The following BRD10 variants were observed in gnomAD, a reference collection of about 807,000 sequenced individuals.
BRD10 encodes bromodomain containing 10.
the BRD10 span, chr9:5,920,385 A>C: frequency 6.2e-7 from 1 of 1,613,988 alleles, no homozygotes; most frequent in Admixed American, 1.7e-5. Flanking sequence ...TGCTGAATAC[A>C]AGGTTCACTG....
chr9:5,898,047 G>T, the BRD10 span: 9 of 180,646 alleles, frequency 5.0e-5, no homozygotes, highest in South Asian at 1.0e-3. Context: ...GAGCAAGAGG[G>T]AGCTGAACTC....
At chr9:5,908,292 A>C in the BRD10 span, among the ~76,000 whole-genome samples, 1 of 152,246 alleles carries the variant, frequency 6.6e-6, no homozygotes, top group Non-Finnish European at 1.5e-5. Flanking sequence ...ACACAATTAC[A>C]ACGATCTCTG....
At chr9:5,951,065 CACACACACACA>C in the BRD10 span, among the ~76,000 whole-genome samples, 2 of 151,200 alleles carry the variant, frequency 1.3e-5, no homozygotes, top group Middle Eastern at 3.4e-3. Flanking sequence ...CACACACACA[CACACACACACA>C]CCCCCACCCC....
At chr9:5,925,096 T>G in the BRD10 span, among the ~76,000 whole-genome samples, 3 of 152,104 alleles carry the variant, frequency 2.0e-5, no homozygotes, top group Non-Finnish European at 4.4e-5. Context: ...TGGTGGCTCA[T>G]GCCTATAATC....
chr9:5,926,730 A>G, the BRD10 span, among the ~76,000 whole-genome samples: 197 of 152,104 alleles, frequency 1.3e-3, no homozygotes, highest in Middle Eastern at 3.4e-3. Flanking sequence ...ACGGGGTTTC[A>G]TCATGTTAGC....
At chr9:5,984,006 C>CAT in the BRD10 span, among the ~76,000 whole-genome samples, 1 of 147,994 alleles carries the variant, frequency 6.8e-6, no homozygotes, top group Non-Finnish European at 1.5e-5. Flanking sequence ...CACACACACA[C>CAT]CCCTCTCCAT....
At chr9:5,880,647 G>C in the BRD10 span, among the ~76,000 whole-genome samples, 1 of 151,908 alleles carries the variant, frequency 6.6e-6, no homozygotes, top group Non-Finnish European at 1.5e-5. Context: ...CTGACCTTGG[G>C]CAATTTCAGT....
the BRD10 span, among the ~76,000 whole-genome samples, chr9:6,002,449 AG>A: frequency 6.6e-6 from 1 of 152,168 alleles, no homozygotes; most frequent in Non-Finnish European, 1.5e-5. Context: ...TAAAAAAAAA[AG>A]CATTACAGAA....
chr9:5,934,437 C>G, the BRD10 span, among the ~76,000 whole-genome samples: 1 of 147,372 alleles, frequency 6.8e-6, no homozygotes, highest in Non-Finnish European at 1.5e-5. Flanking sequence ...CGGCTCATGG[C>G]AACCTCCACC....
At chr9:5,974,110 GACAT>G in the BRD10 span, among the ~76,000 whole-genome samples, 1 of 151,730 alleles carries the variant, frequency 6.6e-6, no homozygotes, top group South Asian at 2.1e-4. Context: ...AAACATCAAA[GACAT>G]ACACAAAAAA....
chr9:5,914,070 A>T, the BRD10 span: 1 of 450,776 alleles, frequency 2.2e-6, no homozygotes, highest in African/African-American at 2.0e-5. Flanking sequence ...TCACTGAAAT[A>T]AGAAAAGAAA....
the BRD10 span, among the ~76,000 whole-genome samples, chr9:6,004,908 C>G: frequency 6.6e-6 from 1 of 152,174 alleles, no homozygotes; most frequent in Non-Finnish European, 1.5e-5. Flanking sequence ...TGTGGTCTCG[C>G]AAACCTGATG....
At chr9:5,906,894 C>G in the BRD10 span, 3 of 1,578,838 alleles carry the variant, frequency 1.9e-6, no homozygotes, top group Non-Finnish European at 2.6e-6. Context: ...GGATAAAAGT[C>G]TTCATGTTGG....
At chr9:5,978,381 T>C in the BRD10 span, among the ~76,000 whole-genome samples, 3 of 141,524 alleles carry the variant, frequency 2.1e-5, no homozygotes, top group Non-Finnish European at 4.5e-5. Flanking sequence ...CTCAAAGACA[T>C]TGCAATTTAG....
At chr9:5,922,690 T>C in the BRD10 span, 3 of 1,613,884 alleles carry the variant, frequency 1.9e-6, no homozygotes, top group African/African-American at 2.7e-5. Flanking sequence ...GAATAAGAAC[T>C]TGCTGCATGA....
the BRD10 span, among the ~76,000 whole-genome samples, chr9:5,977,659 T>C: frequency 6.6e-6 from 1 of 151,780 alleles, no homozygotes. Flanking sequence ...CACGGTGAAA[T>C]CCCGTCTCTA....
the BRD10 span, among the ~76,000 whole-genome samples, chr9:5,975,669 A>T: frequency 6.6e-6 from 1 of 152,252 alleles, no homozygotes; most frequent in East Asian, 1.9e-4. Flanking sequence ...GAACTTGAAG[A>T]CAGAGAGAGA....
At chr9:5,988,162 T>C in the BRD10 span, among the ~76,000 whole-genome samples, 1 of 152,308 alleles carries the variant, frequency 6.6e-6, no homozygotes, top group Admixed American at 6.5e-5. Flanking sequence ...TTGTATAGCT[T>C]CAAGATAAGT....
chr9:5,990,386 C>T, the BRD10 span, among the ~76,000 whole-genome samples: 3 of 152,022 alleles, frequency 2.0e-5, 1 homozygote, highest in Admixed American at 2.0e-4. Context: ...GAGGTCACAG[C>T]AGGTATGTAG....
Sources: gnomAD v4.1 joint callset for allele counts (sites outside exome capture counted in the v4.1 genomes callset) on GRCh38, gnomAD v4.1.1 for gene constraint, MANE v1.5 for transcripts, NCBI Gene and HGNC (gene_info 2026-07-23, HGNC 2026-07-21) for gene names.